PTP4A1: variants seen among roughly 807,000 people sequenced by gnomAD.
The protein encoded by PTP4A1 is protein tyrosine phosphatase 4A1.
A neutral mutation model predicts 20.5 loss-of-function variants in PTP4A1; 9 were observed. The observed-to-expected ratio is 0.44, with a 90% confidence interval of 0.26 to 0.77. The LOEUF (loss-of-function observed/expected upper bound fraction) is 0.77. PTP4A1 is among the 30% of genes least tolerant of loss of function. PTP4A1 has a pLI of 0.19. For synonymous variants in PTP4A1, 78 were observed against 67.4 expected, an observed-to-expected ratio of 1.16 and a Z score of -0.77; for missense variants, 137 against 218.8, an observed-to-expected ratio of 0.63 and a Z score of 2.36.
chr6:63,537,944 A>G (rs1775793853), intron 2 of PTP4A1, among the ~76,000 whole-genome samples: 1 of 152,196 alleles, frequency 6.6e-6, no homozygotes, highest in Non-Finnish European at 1.5e-5. Flanking sequence ...AAGAACAGAA[A>G]AGAGGATGTA....
rs752947525 is a variant in PTP4A1 at position 63,579,034 on chromosome 6, T to G, written c.329+6T>G. 1.3e-6 allele frequency: 2 copies of G among 1,565,574 alleles called. No homozygotes were observed. The highest frequency in any genetic ancestry group is 1.7e-6 in the Non-Finnish European group (2 of 1,162,856). On this transcript the variant is annotated splice_donor_region_variant and intron_variant, in intron 4 of 5. Coordinates refer to ENST00000626021, the MANE Select transcript of PTP4A1 (RefSeq NM_003463.5). ...TGCGTTGCAGGCCTTGGGAGGTAAA[T>G]GAATTTATCAATTTGATTCTAGGTA...
At chr6:63,540,692 T>G (rs574425195) in intron 2 of PTP4A1, among the ~76,000 whole-genome samples, 1 of 151,928 alleles carries the variant, frequency 6.6e-6, no homozygotes, top group East Asian at 1.9e-4. Context: ...ACAATACCAT[T>G]TATGTAAGTT....
At chr6:63,550,086 T>C (rs78285560) in intron 2 of PTP4A1, among the ~76,000 whole-genome samples, 6 of 152,332 alleles carry the variant, frequency 3.9e-5, no homozygotes, top group African/African-American at 1.2e-4. Flanking sequence ...GCAATTATTA[T>C]GTGTCAACTT....
intron 1 of PTP4A1, chr6:63,573,573 C>G (rs1420191314): frequency 6.6e-6 from 1 of 152,202 alleles, no homozygotes; most frequent in Non-Finnish European, 1.5e-5. Flanking sequence ...GGGCATTCCG[C>G]GAGCTGCACC....
At chr6:63,579,475 C>A in intron 5 of PTP4A1, 144 bp downstream of exon 5, 2 of 565,804 alleles carry the variant, frequency 3.5e-6, no homozygotes, top group Non-Finnish European at 5.8e-6. Flanking sequence ...ATCTTACATT[C>A]TTTTTTGCAT....
chr6:63,545,485 C>G (rs1267556704), intron 2 of PTP4A1, among the ~76,000 whole-genome samples: 1 of 152,130 alleles, frequency 6.6e-6, no homozygotes, highest in Non-Finnish European at 1.5e-5. Flanking sequence ...GTGGCACATG[C>G]CTGTAATCCC....
rs757407240 is a variant in PTP4A1 at position 63,578,416 on chromosome 6, T to A, written c.106-21T>A. The A allele has an allele frequency of 2.5e-6, 4 of 1,596,616 alleles. No individual in the cohort carries two copies. In the East Asian group the frequency reaches 9.0e-5, roughly 36 times the overall value. On this transcript the variant is annotated intron_variant, in intron 2 of 5. Coordinates refer to ENST00000626021, the MANE Select transcript of PTP4A1 (RefSeq NM_003463.5). Reference sequence around the variant, plus strand: ...TGATGTGGTTAAACATTAAGATTTTTTTAATGTACGTTTTATCCAGGAACT... The same window carrying A: ...TGATGTGGTTAAACATTAAGATTTTATTAATGTACGTTTTATCCAGGAACT...
intron 1 of PTP4A1, among the ~76,000 whole-genome samples, chr6:63,573,767 T>A (rs1777659014): frequency 6.6e-6 from 1 of 152,172 alleles, no homozygotes; most frequent in Non-Finnish European, 1.5e-5. Context: ...ATGGCCTGGT[T>A]CGGAGCGTCT....
At chr6:63,562,488 C>G (rs966594654) in intron 3 of PTP4A1, among the ~76,000 whole-genome samples, 5 of 152,172 alleles carry the variant, frequency 3.3e-5, no homozygotes, top group African/African-American at 7.2e-5. Flanking sequence ...CGTGAGCCAC[C>G]TTGACTGGCA....
chr6:63,561,305 T>A (rs1427039263), intron 3 of PTP4A1, among the ~76,000 whole-genome samples: 1 of 152,170 alleles, frequency 6.6e-6, no homozygotes, highest in African/African-American at 2.4e-5. Context: ...GAGAGATTTA[T>A]GAAAGGTTTA....
chr6:63,569,343 C>G (rs1581943273), upstream of PTP4A1, among the ~76,000 whole-genome samples: 1 of 152,350 alleles, frequency 6.6e-6, no homozygotes, highest in South Asian at 2.1e-4. Flanking sequence ...GCAGCCTCTG[C>G]CTCCCAGCTT....
At chr6:63,519,550 T>A (rs1201107813), upstream of PTP4A1, among the ~76,000 whole-genome samples, 1 of 152,154 alleles carries the variant, frequency 6.6e-6, no homozygotes, top group Admixed American at 6.6e-5. Context: ...CTAATAAGGG[T>A]AAAGACACCA....
At chr6:63,567,061 A>G (rs745360170) in intron 3 of PTP4A1, among the ~76,000 whole-genome samples, 1 of 152,130 alleles carries the variant, frequency 6.6e-6, no homozygotes, top group Non-Finnish European at 1.5e-5. Flanking sequence ...TCTAACTCCA[A>G]TTGTCTTGCT....
At chr6:63,553,070 C>T (rs547403274) in intron 3 of PTP4A1, among the ~76,000 whole-genome samples, 12 of 152,254 alleles carry the variant, frequency 7.9e-5, no homozygotes, top group Admixed American at 7.2e-4. Context: ...TTTAACTTGT[C>T]ACCAGTTGCA....
intron 3 of PTP4A1, among the ~76,000 whole-genome samples, chr6:63,552,638 G>T (rs1165851077): frequency 6.6e-6 from 1 of 152,132 alleles, no homozygotes; most frequent in Non-Finnish European, 1.5e-5. Context: ...GTATTGCCTA[G>T]GTTTTCTTCT....
chr6:63,555,931 T>A (rs900687220), intron 3 of PTP4A1, among the ~76,000 whole-genome samples: 6 of 152,142 alleles, frequency 3.9e-5, no homozygotes, highest in African/African-American at 1.4e-4. Context: ...CCTCAAGTGA[T>A]CTGCCTGCCT....
rs145289546 is a variant in PTP4A1, at chr6:63,562,952, C to T, written c.-446+12459C>T. 3.5e-3 allele frequency among the ~76,000 whole-genome samples: 540 copies of T among 152,272 alleles called. 3 individuals are homozygous for T. The highest frequency in any genetic ancestry group is 6.5e-3 in the Non-Finnish European group (440 of 68,022). On this transcript the variant is annotated intron_variant, in intron 3 of 3. Transcript: ENST00000639568. ...CATAAAACAGGCTCAAAACCATGGC[C>T]TTATATCTCTGTTTGGCCTTTGACA...
At chr6:63,542,578 T>C (rs1776028270) in intron 2 of PTP4A1, among the ~76,000 whole-genome samples, 1 of 152,110 alleles carries the variant, frequency 6.6e-6, no homozygotes, top group Non-Finnish European at 1.5e-5. Flanking sequence ...TTCAGTTCAG[T>C]TTTTGCCCCA....
rs1032306301 is a variant in PTP4A1, at chr6:63,581,232, T to G, written c.*1058T>G. 1.3e-5 allele frequency: 2 copies of G among 152,568 alleles called. No homozygotes were observed. Among genetic ancestry groups the G allele is most frequent in the Admixed American group, 1.3e-4 (2 of 15,268 alleles). 9.5% of individuals were successfully genotyped at this position (152,568 alleles called of 1,614,324 possible). The stretch of plus-strand genomic sequence containing the variant: ...AGACATCTAATATTTTATATGCCTT[T>G]TGAGCTGTGTAACTTAATATTTGGA... On this transcript the variant is annotated 3_prime_UTR_variant, in exon 6 of 6. Coordinates refer to ENST00000626021, the MANE Select transcript of PTP4A1 (RefSeq NM_003463.5).
Sources: allele counts gnomAD v4.1 joint callset (sites outside exome capture counted in the v4.1 genomes callset), GRCh38; gene constraint gnomAD v4.1.1; transcripts MANE v1.5; gene names NCBI Gene and HGNC (gene_info 2026-07-23, HGNC 2026-07-21).